Variants in UGT1A8 observed in about 807,000 individuals in gnomAD.
UGT1A8 encodes the protein UDP-glucuronosyltransferase 1A8.
UGT1A8 carries 39 observed loss-of-function variants against 45.3 expected under a neutral mutation model. That is an observed-to-expected ratio of 0.86 (90% CI 0.67 to 1.12). The LOEUF (loss-of-function observed/expected upper bound fraction) is 1.12. Among genes scored for constraint, UGT1A8 ranks in the 50% most tolerant of loss-of-function variants. The probability of loss-of-function intolerance (pLI) is 0.00; values close to 1 mark genes in which losing one functional copy is unlikely to be tolerated. For synonymous variants in UGT1A8, 275 were observed against 249.2 expected (o/e 1.10, Z -0.97); for missense variants, 719 against 664.9 (o/e 1.08, Z -0.90).
intron 1 of UGT1A8, chr2:233,649,101 G>A (rs943986312): frequency 1.2e-6 from 1 of 806,102 alleles, no homozygotes; most frequent in Non-Finnish European, 1.7e-6. Flanking sequence ...ACGGAACTGG[G>A]ATTTGACATT....
intron 1 of UGT1A8, chr2:233,713,570 T>C: frequency 6.2e-7 from 1 of 1,613,974 alleles, no homozygotes; most frequent in Non-Finnish European, 8.5e-7. Context: ...CTTCCTCCTA[T>C]ATTCCTAGAT....
At chr2:233,731,097 C>T (rs1453448635) in intron 1 of UGT1A8, among the ~76,000 whole-genome samples, 1 of 151,946 alleles carries the variant, frequency 6.6e-6, no homozygotes, top group African/African-American at 2.4e-5. Context: ...ATTTCTGTGC[C>T]TTTTTTATAA....
chr2:233,715,086 A>G (rs1197035680), intron 1 of UGT1A8, among the ~76,000 whole-genome samples: 1 of 152,066 alleles, frequency 6.6e-6, no homozygotes, highest in Non-Finnish European at 1.5e-5. Flanking sequence ...GAGTTTCATC[A>G]TATTGGCCAG....
intron 1 of UGT1A8, among the ~76,000 whole-genome samples, chr2:233,726,404 T>C (rs1458945930): frequency 6.6e-6 from 1 of 152,210 alleles, no homozygotes; most frequent in Non-Finnish European, 1.5e-5. Flanking sequence ...TCTTTTGATG[T>C]CAGCATTCTG....
chr2:233,753,954 T>C (rs1695355745), intron 1 of UGT1A8, among the ~76,000 whole-genome samples: 2 of 152,202 alleles, frequency 1.3e-5, no homozygotes, highest in Admixed American at 1.3e-4. Flanking sequence ...ACCTCCAAAA[T>C]ATTAAGAGAA....
At chr2:233,631,878 C>T (rs1277195115) in intron 1 of UGT1A8, among the ~76,000 whole-genome samples, 1 of 152,118 alleles carries the variant, frequency 6.6e-6, no homozygotes, top group Non-Finnish European at 1.5e-5. Flanking sequence ...GTTGTCATTG[C>T]TTTTGGTGTT....
downstream of UGT1A8, chr2:233,773,300 AT>A (rs1228991632): frequency 6.6e-6 from 1 of 152,190 alleles, no homozygotes; most frequent in Non-Finnish European, 1.5e-5. Context: ...TATAAATTCT[AT>A]TTAAGTGTTT....
At chr2:233,766,958 T>C in intron 1 of UGT1A8, 76 bp from the exon 2 acceptor site, 1 of 1,605,414 alleles carries the variant, frequency 6.2e-7, no homozygotes, top group Non-Finnish European at 8.5e-7. Context: ...GGAAGATATC[T>C]AATTCATAAC....
At chr2:233,751,259 GC>G (rs1694681470) in intron 1 of UGT1A8, among the ~76,000 whole-genome samples, 1 of 151,926 alleles carries the variant, frequency 6.6e-6, no homozygotes. Flanking sequence ...GGGGCCTGTA[GC>G]CCCCTTTTTT....
chr2:233,708,944 C>T (rs937227879), intron 1 of UGT1A8, among the ~76,000 whole-genome samples: 1 of 152,118 alleles, frequency 6.6e-6, no homozygotes, highest in East Asian at 1.9e-4. Context: ...GTCACCAGAA[C>T]CCATTTATAT....
chr2:233,761,187 T>C, intron 1 of UGT1A8: 1 of 1,614,214 alleles, frequency 6.2e-7, no homozygotes, highest in Non-Finnish European at 8.5e-7. Context: ...ATGCGTATAT[T>C]CTTTCAGATG....
intron 1 of UGT1A8, among the ~76,000 whole-genome samples, chr2:233,618,819 A>G (rs1345454956): frequency 6.6e-6 from 1 of 152,158 alleles, no homozygotes; most frequent in Non-Finnish European, 1.5e-5. Context: ...ATGTTTAGAA[A>G]AGTACCAAAA....
At position 233,747,921 on chromosome 2, in the gene UGT1A8, G is replaced by A. The variant is rs1693813476; in HGVS notation, c.856-19113G>A. The A allele has an allele frequency of 2.2e-5, 36 of 1,613,276 alleles. 2 individuals are homozygous for A. The South Asian group carries it at 4.0e-4, about 18-fold the overall frequency. ...TGCTCCTTATGCAAGCCTTGCCTCT[G>A]AGCTTTTTCAGAGGGAGGTGTCAGT... On this transcript the variant is annotated intron_variant, in intron 1 of 4. Coordinates refer to ENST00000373450, the MANE Select transcript of UGT1A8 (RefSeq NM_019076.5).
At chr2:233,749,145 C>G (rs1694125909) in intron 1 of UGT1A8, among the ~76,000 whole-genome samples, 1 of 151,818 alleles carries the variant, frequency 6.6e-6, no homozygotes, top group Non-Finnish European at 1.5e-5. Context: ...TATGAACTTC[C>G]ATGACTTGAT....
Position 233,693,128 on chromosome 2 carries a change from A to G in UGT1A8, c.856-73906A>G, listed in dbSNP as rs148594741. 338 of 1,614,088 alleles carry G rather than the reference A, an allele frequency of 2.1e-4. No homozygotes were observed. The highest frequency in any genetic ancestry group is 2.7e-4 in the Non-Finnish European group (320 of 1,180,052). On this transcript the variant is annotated intron_variant, in intron 1 of 4. Transcript: ENST00000373450. ...TCAGGACGGAAGCCACTGGCTTAGTATGAAGGATATAGTTGAGGTTCTCAG... is the reference window on the plus strand; with the variant it reads ...TCAGGACGGAAGCCACTGGCTTAGTGTGAAGGATATAGTTGAGGTTCTCAG...
intron 1 of UGT1A8, chr2:233,755,094 G>A (rs1173383438): frequency 1.5e-6 from 2 of 1,335,004 alleles, no homozygotes; most frequent in Non-Finnish European, 2.0e-6. Flanking sequence ...GCGTTTCTAC[G>A]CGTCCGACAA....
chr2:233,725,060 G>T (rs969335161), intron 1 of UGT1A8, among the ~76,000 whole-genome samples: 5 of 147,180 alleles, frequency 3.4e-5, no homozygotes, highest in African/African-American at 1.0e-4. Flanking sequence ...GGCGGCGCGC[G>T]CCTGCAATCG....
rs1407521990 is a variant in UGT1A8 at position 233,743,186 on chromosome 2, A to T, written c.856-23848A>T. On this transcript the variant is annotated intron_variant, in intron 1 of 4. Coordinates refer to ENST00000373450, the MANE Select transcript of UGT1A8 (RefSeq NM_019076.5). ...GTGCTTAAAGTCAAATGTGGACTGG[A>T]ATTACTTGGTGTCAATGCGGAGTAA... 4.3e-5 allele frequency: 16 copies of T among 372,810 alleles called. No individual in the cohort carries two copies. The East Asian group carries it at 1.2e-3, about 27-fold the overall frequency. The allele number at this position is 372,810 out of a possible 1,614,324, so 23.1% of individuals were successfully genotyped here.
chr2:233,681,530 CAA>C (rs747693860), intron 1 of UGT1A8, among the ~76,000 whole-genome samples: 16,951 of 76,482 alleles, frequency 0.22, 767 homozygotes, highest in Non-Finnish European at 0.28. Context: ...GACTCCATCT[CAA>C]AAAAAAAAAA....
Sources: gnomAD v4.1 joint callset for allele counts (sites outside exome capture counted in the v4.1 genomes callset) on GRCh38, gnomAD v4.1.1 for gene constraint, MANE v1.5 for transcripts, NCBI Gene and HGNC (gene_info 2026-07-23, HGNC 2026-07-21) for gene names.